ALDH7A1: variants seen among roughly 807,000 people sequenced by gnomAD.
The protein encoded by ALDH7A1 is aldehyde dehydrogenase 7 family member A1, also known as alpha-aminoadipic semialdehyde dehydrogenase.
In ALDH7A1, 63 loss-of-function variants were observed where a neutral mutation model predicts 79.9. The ratio of observed to expected loss-of-function variants is 0.79; its 90% CI spans 0.64 to 0.97. The LOEUF is 0.97. ALDH7A1 is among the 50% of genes least tolerant of loss of function. ALDH7A1 has a pLI of 0.00. For missense variants in ALDH7A1, 627 were observed against 665.2 expected (o/e 0.94, Z 0.63); for synonymous variants, 240 against 231.2 (o/e 1.04, Z -0.34).
At position 126,550,251 on chromosome 5, in the gene ALDH7A1, C is replaced by A. The variant is rs750971835; in HGVS notation, c.1360G>T (p.Gly454Ter). ...TTGGTAAAGATGCTACTTGAAAGTC[C>A]CTGTTTTACTTCATTATTCCATGCA... ...VFAWNNEVKQGLSSSIFTKDL... is the reference protein window; with the variant it reads ...VFAWNNEVKQ The change falls in exon 15 of 18, where the codon GGA (glycine) becomes TGA (stop). Residue 454 changes from glycine to a stop codon, truncating the protein, a stop_gained. Coordinates refer to ENST00000409134, the MANE Select transcript of ALDH7A1 (RefSeq NM_001182.5). LOFTEE classifies it high-confidence loss of function. The A allele has an allele frequency of 6.2e-7, 1 of 1,613,604 alleles. No individual in the cohort carries two copies.
At chr5:126,585,267 C>T (rs1339061069) in intron 3 of ALDH7A1, among the ~76,000 whole-genome samples, 2 of 152,168 alleles carry the variant, frequency 1.3e-5, no homozygotes, top group Non-Finnish European at 2.9e-5. Context: ...CATTGCACTC[C>T]GGCCTGGATG....
At chr5:126,577,687 C>T (rs115177285) in intron 5 of ALDH7A1, among the ~76,000 whole-genome samples, 3 of 152,200 alleles carry the variant, frequency 2.0e-5, no homozygotes, top group Non-Finnish European at 4.4e-5. Flanking sequence ...GAGCCCCACC[C>T]TCCTGAGTAG....
At chr5:126,550,933 G>A (rs1285637178) in intron 14 of ALDH7A1, among the ~76,000 whole-genome samples, 10 of 152,082 alleles carry the variant, frequency 6.6e-5, no homozygotes, top group Non-Finnish European at 4.4e-5. Context: ...ATTTACTGGC[G>A]AGGCTAGGGC....
rs761971801 is a variant in ALDH7A1 at position 126,549,926 on chromosome 5, T to C, written c.1489+3A>G. On this transcript the variant is annotated splice_donor_region_variant and intron_variant, in intron 16 of 17. Coordinates refer to ENST00000409134, the MANE Select transcript of ALDH7A1 (RefSeq NM_001182.5). The stretch of plus-strand genomic sequence containing the variant: ...GGAAAAGGAGAAATGATTCTCTACG[T>C]ACCAAAGGCACCTCCAATCTCAGCC... 2 of 1,614,014 alleles carry C rather than the reference T, an allele frequency of 1.2e-6. No homozygotes were observed. The highest frequency in any genetic ancestry group is 1.3e-5 in the African/African-American group (1 of 75,056).
intron 5 of ALDH7A1, among the ~76,000 whole-genome samples, chr5:126,579,654 T>A (rs774692849): frequency 4.7e-5 from 7 of 149,274 alleles, no homozygotes; most frequent in Non-Finnish European, 1.0e-4. Context: ...TAAACTGCTT[T>A]AAAAAAAAAA....
intron 16 of ALDH7A1, among the ~76,000 whole-genome samples, chr5:126,547,646 T>C (rs1749834519): frequency 6.6e-6 from 1 of 152,200 alleles, no homozygotes. Flanking sequence ...ACCTCTATCA[T>C]AATAGAGGGT....
In ALDH7A1 at chr5:126,554,386, A is replaced by T; in HGVS notation, c.1101T>A (p.Val367=). 5 of 1,613,996 alleles carry T rather than the reference A, an allele frequency of 3.1e-6. No homozygotes were observed. The highest frequency in any genetic ancestry group is 4.2e-6 in the Non-Finnish European group (5 of 1,179,926). The change falls in exon 13 of 18, where the codon GTT becomes GTA. Residue 367 remains valine, a synonymous_variant. Transcript: ENST00000409134. ...GCTTGGTGTGGAGTGGCCCATAGAG[A>T]ACATTAGCTGGAGAGAGAAAAGGAA... ...IRVGNPWDPN[V]LYGPLHTKQA...
chr5:126,579,439 G>C (rs1751095611), intron 5 of ALDH7A1, among the ~76,000 whole-genome samples: 2 of 152,098 alleles, frequency 1.3e-5, no homozygotes, highest in African/African-American at 4.8e-5. Flanking sequence ...TACTTACCAT[G>C]CTGGATTATG....
In ALDH7A1 at chr5:126,552,140, A is replaced by G. The variant is rs766034735; in HGVS notation, c.1201-3T>C. 1.2e-6 allele frequency: 2 copies of G among 1,608,098 alleles called. No homozygotes were observed. The highest frequency in any genetic ancestry group is 4.5e-5 in the East Asian group (2 of 44,832). ...TAATTTCCAGGGCGATCCATAACCT[A>G]ATGCAGAGAAATGAAATAAAAAGAA... On this transcript the variant is annotated splice_region_variant and splice_polypyrimidine_tract_variant and intron_variant, in intron 13 of 17. Transcript: ENST00000409134.
intron 1 of ALDH7A1, chr5:126,593,829 G>A (rs2112817900): frequency 3.5e-6 from 1 of 286,918 alleles, no homozygotes; most frequent in South Asian, 3.7e-5. Flanking sequence ...GAGGTCTCAG[G>A]TCAACAATGA....
rs564223396 is a variant in ALDH7A1 at position 126,554,570 on chromosome 5, G to C, written c.1094-177C>G. On this transcript the variant is annotated intron_variant, in intron 12 of 17. Transcript: ENST00000409134. Reference sequence around the variant, plus strand: ...ATGGTAAATATTTTATGCTTTGGAGGACATACGTGATCTCCATCCCAATAC... The same window carrying C: ...ATGGTAAATATTTTATGCTTTGGAGCACATACGTGATCTCCATCCCAATAC... The C allele has an allele frequency of 9.2e-6, 6 of 651,850 alleles. No homozygotes were observed. In the Middle Eastern group the frequency reaches 1.1e-3, roughly 116 times the overall value. The allele number at this position is 651,850 out of a possible 1,614,324, so 40.4% of individuals were successfully genotyped here. A position where few individuals can be genotyped will look rare whatever the true frequency, so the allele number is the denominator to read the frequency against.
At chr5:126,571,603 T>C (rs1750779105) in intron 7 of ALDH7A1, among the ~76,000 whole-genome samples, 1 of 151,946 alleles carries the variant, frequency 6.6e-6, no homozygotes, top group South Asian at 2.1e-4. Context: ...TGAGGACACA[T>C]CTGGTTCAAG....
At chr5:126,554,065 G>A (rs745967915) in intron 13 of ALDH7A1, among the ~76,000 whole-genome samples, 30 of 151,212 alleles carry the variant, frequency 2.0e-4, no homozygotes, top group South Asian at 6.3e-4. Context: ...CCAAGATTGC[G>A]CCACTGCACT....
At position 126,571,087 on chromosome 5, in the gene ALDH7A1, A is replaced by G. The variant is rs375707579; in HGVS notation, c.696-228T>C. 79 of 498,758 alleles carry G rather than the reference A, an allele frequency of 1.6e-4. 1 individual carries two copies. The East Asian group carries it at 1.9e-3, about 12-fold the overall frequency. The allele number at this position is 498,758 out of a possible 1,614,324, so 30.9% of individuals were successfully genotyped here. ...ACCAGACTCTGTCCTTCTGTCCTCA[A>G]ACATTCAGACCTGGATTTCTCCTCA... On this transcript the variant is annotated intron_variant, in intron 7 of 17. Coordinates refer to ENST00000409134, the MANE Select transcript of ALDH7A1 (RefSeq NM_001182.5).
intron 9 of ALDH7A1, among the ~76,000 whole-genome samples, chr5:126,565,943 T>C (rs758770511): frequency 6.6e-6 from 1 of 152,254 alleles, no homozygotes; most frequent in African/African-American, 2.4e-5. Flanking sequence ...TTGATTTTTA[T>C]GTCTATCCTT....
At chr5:126,560,475 A>T (rs549228822) in intron 10 of ALDH7A1, among the ~76,000 whole-genome samples, 1 of 152,156 alleles carries the variant, frequency 6.6e-6, no homozygotes, top group Non-Finnish European at 1.5e-5. Flanking sequence ...CCGTCTCAAA[A>T]AAAAAAGTTC....
chr5:126,570,981 ACT>A, intron 7 of ALDH7A1, 122 bp from the exon 8 acceptor site: 1 of 918,928 alleles, frequency 1.1e-6, no homozygotes, highest in Admixed American at 1.9e-5. Context: ...CAAATATACT[ACT>A]CTCTTGCTTT....
intron 16 of ALDH7A1, among the ~76,000 whole-genome samples, chr5:126,546,718 C>T (rs1749799715): frequency 6.6e-6 from 1 of 151,780 alleles, no homozygotes; most frequent in Non-Finnish European, 1.5e-5. Flanking sequence ...CGTGCCCAGC[C>T]CACACATGTT....
intron 3 of ALDH7A1, among the ~76,000 whole-genome samples, chr5:126,589,206 G>A (rs1010889953): frequency 2.6e-5 from 4 of 152,092 alleles, no homozygotes; most frequent in Non-Finnish European, 5.9e-5. Flanking sequence ...TGCCCAGGCT[G>A]GGGTGCAATG....
Sources: allele counts gnomAD v4.1 joint callset (sites outside exome capture counted in the v4.1 genomes callset), GRCh38; gene constraint gnomAD v4.1.1; transcripts MANE v1.5; gene names NCBI Gene and HGNC (gene_info 2026-07-23, HGNC 2026-07-21).